Variants in PREX2 observed in about 807,000 individuals in gnomAD.
PREX2 encodes the protein phosphatidylinositol-3,4,5-trisphosphate dependent Rac exchange factor 2.
In PREX2, 107 loss-of-function variants were observed where a neutral mutation model predicts 203.2. The observed-to-expected ratio is 0.53, with a 90% CI of 0.45 to 0.62. PREX2 has a LOEUF of 0.62. PREX2 is among the 20% of genes least tolerant of loss of function. PREX2 has a pLI of 0.00. For missense variants in PREX2, 1,777 were observed against 1,955.9 expected, an observed-to-expected ratio of 0.91 and a Z score of 1.72; for synonymous variants, 672 against 663.6, an observed-to-expected ratio of 1.01 and a Z score of -0.19.
intron 1 of PREX2, among the ~76,000 whole-genome samples, chr8:67,978,902 G>GT (rs1425677985): frequency 2.0e-5 from 3 of 152,096 alleles, no homozygotes; most frequent in African/African-American, 7.2e-5. Context: ...TCACTTAGAA[G>GT]TTTTACAGCA....
intron 26 of PREX2, 137 bp downstream of exon 26, chr8:68,116,069 A>G: frequency 1.4e-6 from 1 of 691,266 alleles, no homozygotes; most frequent in East Asian, 2.7e-5. Context: ...GTTACTACCG[A>G]CCTCAGACAA....
intron 1 of PREX2, among the ~76,000 whole-genome samples, chr8:67,994,904 A>G (rs1806719370): frequency 6.6e-6 from 1 of 152,198 alleles, no homozygotes; most frequent in Non-Finnish European, 1.5e-5. Context: ...ATCCTATAAG[A>G]CATTTTATGC....
At chr8:68,153,508 C>A (rs1444901563) in intron 34 of PREX2, among the ~76,000 whole-genome samples, 1 of 152,130 alleles carries the variant, frequency 6.6e-6, no homozygotes, top group Admixed American at 6.5e-5. Flanking sequence ...ACTAAATATT[C>A]AACCAAGTAT....
intron 35 of PREX2, chr8:68,177,336 T>A (rs771096289): frequency 3.3e-5 from 5 of 152,162 alleles, no homozygotes; most frequent in Non-Finnish European, 7.3e-5. Flanking sequence ...GGCAATAGGA[T>A]CACTTGAGGG....
chr8:68,083,036 G>T (rs1219421793), intron 17 of PREX2, among the ~76,000 whole-genome samples: 1 of 152,184 alleles, frequency 6.6e-6, no homozygotes, highest in African/African-American at 2.4e-5. Flanking sequence ...GTAAAGTTCT[G>T]TGTTCAAATT....
intron 35 of PREX2, among the ~76,000 whole-genome samples, chr8:68,172,129 C>T (rs755100050): frequency 9.2e-5 from 14 of 152,102 alleles, no homozygotes; most frequent in Admixed American, 2.0e-4. Flanking sequence ...ACTTGGAAAT[C>T]AGAGTTGTCA....
chr8:68,209,005 T>G (rs1301520677), intron 37 of PREX2, among the ~76,000 whole-genome samples: 1 of 146,980 alleles, frequency 6.8e-6, no homozygotes, highest in African/African-American at 2.5e-5. Context: ...AAGAATTTGC[T>G]GCAGTGAGCC....
At chr8:68,139,974 G>T (rs1385783496) in intron 33 of PREX2, among the ~76,000 whole-genome samples, 1 of 152,114 alleles carries the variant, frequency 6.6e-6, no homozygotes, top group Non-Finnish European at 1.5e-5. Flanking sequence ...CTCTATTTTT[G>T]TGATATAACC....
intron 25 of PREX2, among the ~76,000 whole-genome samples, chr8:68,111,476 T>C (rs761357989): frequency 1.2e-4 from 19 of 152,192 alleles, no homozygotes; most frequent in Non-Finnish European, 2.5e-4. Context: ...TTACTTGGTT[T>C]AAAATATTTA....
At chr8:68,065,724 T>A (rs7007048) in intron 11 of PREX2, among the ~76,000 whole-genome samples, 105,523 of 152,088 alleles carry the variant, frequency 0.69, 36,673 homozygotes, top group East Asian at 0.74. Flanking sequence ...CAGCAAATTA[T>A]CTCTTCTACA....
chr8:68,180,356 G>T (rs1444350181), intron 35 of PREX2, among the ~76,000 whole-genome samples: 1 of 151,956 alleles, frequency 6.6e-6, no homozygotes, highest in Admixed American at 6.6e-5. Flanking sequence ...CCACACCATT[G>T]GTTCTTTACA....
chr8:68,152,289 G>GAAAAAAAAAAAAAAAAAAA (rs573525316), intron 34 of PREX2, among the ~76,000 whole-genome samples: 1 of 72,920 alleles, frequency 1.4e-5, no homozygotes, highest in African/African-American at 5.6e-5. Context: ...CCCTCTCAGA[G>GAAAAAAAAAAAAAAAAAAA]AAAAAAAAAA....
chr8:67,953,877 G>T (rs567517302), intron 1 of PREX2, among the ~76,000 whole-genome samples: 1 of 152,246 alleles, frequency 6.6e-6, no homozygotes, highest in African/African-American at 2.4e-5. Flanking sequence ...ATGTTTTTAA[G>T]ATTTGATTTT....
chr8:67,986,769 G>A (rs1168070171), intron 1 of PREX2, among the ~76,000 whole-genome samples: 1 of 152,140 alleles, frequency 6.6e-6, no homozygotes, highest in Non-Finnish European at 1.5e-5. Flanking sequence ...AGAGCTTCAA[G>A]TGATCTCTAG....
At chr8:68,186,474 T>A (rs762069414) in intron 35 of PREX2, among the ~76,000 whole-genome samples, 1 of 152,200 alleles carries the variant, frequency 6.6e-6, no homozygotes, top group Non-Finnish European at 1.5e-5. Flanking sequence ...AAACACTGGA[T>A]GTTTTTCTAT....
intron 35 of PREX2, 125 bp downstream of exon 35, chr8:68,157,561 G>T: frequency 4.1e-6 from 2 of 483,612 alleles, no homozygotes; most frequent in Non-Finnish European, 7.5e-6. Flanking sequence ...TAAATTCCTC[G>T]GATTTAGGGT....
At chr8:68,073,517 A>G (rs536461900) in intron 14 of PREX2, among the ~76,000 whole-genome samples, 1 of 152,144 alleles carries the variant, frequency 6.6e-6, no homozygotes, top group East Asian at 1.9e-4. Context: ...ACATATTTTG[A>G]TAATTTATAT....
intron 37 of PREX2, among the ~76,000 whole-genome samples, chr8:68,205,434 G>A (rs1812602701): frequency 6.6e-6 from 1 of 152,166 alleles, no homozygotes; most frequent in African/African-American, 2.4e-5. Flanking sequence ...ACTTTCGCTT[G>A]TCACCAAAGC....
Position 68,022,127 on chromosome 8 carries a change from G to T in PREX2, c.428G>T (p.Arg143Leu). The stretch of plus-strand genomic sequence containing the variant: ...GAACTCAACAAAATAAGAACAATCC[G>T]GACATTTCTTTTGGTAAGTGTATAT... ...LLELNKIRTI[R>L]TFLLNCMLLG... The change falls in exon 4 of 40, where the codon CGG becomes CTG. Residue 143 changes from arginine (R) to leucine (L), a missense_variant. Arg to Leu is a moderately radical substitution (Grantham distance 102, BLOSUM62 -2). Coordinates refer to ENST00000288368, the MANE Select transcript of PREX2 (RefSeq NM_024870.4). 1 of 1,522,250 alleles carries T rather than the reference G, an allele frequency of 6.6e-7. No homozygotes were observed. The highest frequency in any genetic ancestry group is 1.1e-5 in the South Asian group (1 of 89,070). The allele number at this position is 1,522,250 out of a possible 1,614,324, so 94.3% of individuals were successfully genotyped here. A position where few individuals can be genotyped will look rare whatever the true frequency, so the allele number is the denominator to read the frequency against.
Sources: allele counts gnomAD v4.1 joint callset (sites outside exome capture counted in the v4.1 genomes callset), GRCh38; gene constraint gnomAD v4.1.1; transcripts MANE v1.5; gene names NCBI Gene and HGNC (gene_info 2026-07-23, HGNC 2026-07-21).